CARM1: variants seen among roughly 807,000 people sequenced by gnomAD.
The protein encoded by CARM1 is histone-arginine methyltransferase CARM1.
CARM1 carries 14 observed loss-of-function variants against 72.7 expected under a neutral mutation model. That is an observed-to-expected ratio of 0.19 (90% CI 0.13 to 0.30). The LOEUF (loss-of-function observed/expected upper bound fraction) is 0.30, where lower values mean the gene tolerates loss of function less well. CARM1 is among the 10% of genes least tolerant of loss of function. CARM1 has a pLI of 1.00. For synonymous variants in CARM1, 333 were observed against 345.5 expected (o/e 0.96, Z 0.40); for missense variants, 432 against 833.7 (o/e 0.52, Z 5.93).
In CARM1 at chr19:10,920,955, GGCCCACCCCAAT is replaced by G. The variant is rs1404939451; in HGVS notation, c.1537+15_1537+26del. 1.2e-6 allele frequency: 2 copies of G among 1,613,578 alleles called. No individual in the cohort carries two copies. Among genetic ancestry groups the G allele is most frequent in the South Asian group, 2.2e-5 (2 of 91,076 alleles). ...CGGGATGGCCGTGGCAGGTGAGCAG[GGCCCACCCCAAT>G]GCCCAGCCAACCCGGGAGGCCGCCC... On this transcript the variant is annotated intron_variant, in intron 13 of 15. Coordinates refer to ENST00000327064, the MANE Select transcript of CARM1 (RefSeq NM_199141.2). The surrounding 1 kb of genome is among the most constrained non-coding windows in gnomAD (Gnocchi z 5.3).
chr19:10,897,821 C>T (rs971365444), intron 1 of CARM1, among the ~76,000 whole-genome samples: 3 of 152,066 alleles, frequency 2.0e-5, no homozygotes, highest in Non-Finnish European at 4.4e-5. Flanking sequence ...AACCCTGTCT[C>T]TAGGCTGGAT....
At chr19:10,919,538 C>T in intron 8 of CARM1, 57 bp from the exon 9 acceptor site, 1 of 1,276,856 alleles carries the variant, frequency 7.8e-7, no homozygotes, top group Non-Finnish European at 1.1e-6. Flanking sequence ...GCAGGGCTCT[C>T]CCCTCCCATG....
intron 1 of CARM1, among the ~76,000 whole-genome samples, chr19:10,881,331 C>T (rs533032058): frequency 3.0e-4 from 45 of 152,310 alleles, no homozygotes; most frequent in Non-Finnish European, 5.0e-4. Flanking sequence ...CCCCTGATTT[C>T]GGTCAGCTTC....
chr19:10,889,337 CAG>C (rs1344193101), intron 1 of CARM1, among the ~76,000 whole-genome samples: 18 of 149,660 alleles, frequency 1.2e-4, no homozygotes, highest in Non-Finnish European at 3.0e-5. Context: ...TTTTTTGAGA[CAG>C]AGTCTCCCTT....
chr19:10,886,845 G>A (rs1214851545), intron 1 of CARM1, among the ~76,000 whole-genome samples: 1 of 152,064 alleles, frequency 6.6e-6, no homozygotes, highest in African/African-American at 2.4e-5. Flanking sequence ...AAAAAAAATG[G>A]GGTCTCAATA....
chr19:10,898,377 G>A (rs973844044), intron 1 of CARM1, among the ~76,000 whole-genome samples: 21 of 152,036 alleles, frequency 1.4e-4, no homozygotes, highest in African/African-American at 4.6e-4. Flanking sequence ...CCTGGCTCTA[G>A]AGTCTGCTTT....
intron 4 of CARM1, 113 bp downstream of exon 4, chr19:10,909,320 A>G (rs2074128392): frequency 1.5e-6 from 1 of 652,214 alleles, no homozygotes; most frequent in Non-Finnish European, 2.7e-6. Context: ...TATCTCAGTT[A>G]CTGCAGAGGC....
At chr19:10,901,580 C>T (rs1422019494) in intron 1 of CARM1, among the ~76,000 whole-genome samples, 4 of 152,210 alleles carry the variant, frequency 2.6e-5, no homozygotes, top group Non-Finnish European at 4.4e-5. Flanking sequence ...CCATCTTGGC[C>T]TCCCAAAGTG....
In CARM1 at chr19:10,916,319, T is replaced by A; in HGVS notation, c.848-88T>A. 1.2e-6 allele frequency: 1 copy of A among 841,592 alleles called. No individual in the cohort carries two copies. Among genetic ancestry groups the A allele is most frequent in the Non-Finnish European group, 2.0e-6 (1 of 498,794 alleles). The allele number at this position is 841,592 out of a possible 1,614,324, so 52.1% of individuals were successfully genotyped here. A position where few individuals can be genotyped will look rare whatever the true frequency, so the allele number is the denominator to read the frequency against. ...GATGACAGGCTGGGAGCACCCAGGG[T>A]TGGGGGTCTTGGGGTCCTTTGGAAG... On this transcript the variant is annotated intron_variant, in intron 6 of 15. Transcript: ENST00000327064. The surrounding 1 kb of genome is among the most constrained non-coding windows in gnomAD (Gnocchi z 4.4).
chr19:10,875,018 T>C (rs1482439181), intron 1 of CARM1, among the ~76,000 whole-genome samples: 1 of 149,274 alleles, frequency 6.7e-6, no homozygotes, highest in African/African-American at 2.5e-5. Context: ...AGCAAGACCC[T>C]GTCTGAAAAA....
chr19:10,912,325 C>T lies in CARM1; in HGVS notation c.669+31C>T, dbSNP rs963727740. ...TGGCCCGCTGGTGCCCACCCAGCCT[C>T]GTCCTCGCCCATGAGTGCCATGCCG... On this transcript the variant is annotated intron_variant, in intron 5 of 15. Transcript: ENST00000327064. This position sits in a 1 kb window ranked among gnomAD's most constrained non-coding sequence, Gnocchi z 4.5. 2.6e-6 allele frequency: 4 copies of T among 1,526,862 alleles called. No homozygotes were observed. In the Middle Eastern group the frequency reaches 5.1e-4, roughly 194 times the overall value. The allele number at this position is 1,526,862 out of a possible 1,614,324, so 94.6% of individuals were successfully genotyped here.
chr19:10,871,998 A>G lies in CARM1; in HGVS notation c.220+76A>G, dbSNP rs907152688. 1.8e-6 allele frequency: 2 copies of G among 1,113,156 alleles called. No individual in the cohort carries two copies. The highest frequency in any genetic ancestry group is 2.2e-6 in the Non-Finnish European group (2 of 903,468). The allele number at this position is 1,113,156 out of a possible 1,614,324, so 69.0% of individuals were successfully genotyped here. A position where few individuals can be genotyped will look rare whatever the true frequency, so the allele number is the denominator to read the frequency against. On this transcript the variant is annotated intron_variant, in intron 1 of 15. Coordinates refer to ENST00000327064, the MANE Select transcript of CARM1 (RefSeq NM_199141.2). This position sits in a 1 kb window ranked among gnomAD's most constrained non-coding sequence, Gnocchi z 5.6. ...CGGCCCGGGGCGGGGGCCGGCGGGG[A>G]GGGGCCCTGAGCGCGGGGGCCTGGC...
intron 1 of CARM1, among the ~76,000 whole-genome samples, chr19:10,872,180 G>A (rs904398502): frequency 6.6e-6 from 1 of 151,660 alleles, no homozygotes; most frequent in African/African-American, 2.4e-5. Flanking sequence ...AAGGGCCTGA[G>A]ATTTGGGAGG....
chr19:10,891,985 A>G (rs534188822), intron 1 of CARM1, among the ~76,000 whole-genome samples: 100 of 152,256 alleles, frequency 6.6e-4, no homozygotes, highest in Non-Finnish European at 1.2e-3. Flanking sequence ...GACAAGCCCC[A>G]TGAATGCAGT....
chr19:10,919,591 C>T lies in CARM1; in HGVS notation c.1021-4C>T, dbSNP rs901861933. On this transcript the variant is annotated splice_region_variant and splice_polypyrimidine_tract_variant and intron_variant, in intron 8 of 15. Transcript: ENST00000327064. ...TGCCACGTCACACCTGTGGTCTCTC[C>T]CAGGACACATTTGACATCCGGATCC... The T allele has an allele frequency of 1.1e-5, 18 of 1,610,990 alleles. No homozygotes were observed. The highest frequency in any genetic ancestry group is 1.4e-5 in the Non-Finnish European group (17 of 1,177,214).
intron 1 of CARM1, among the ~76,000 whole-genome samples, chr19:10,877,503 ACCT>A (rs1568344871): frequency 6.6e-6 from 1 of 151,616 alleles, no homozygotes; most frequent in Non-Finnish European, 1.5e-5. Flanking sequence ...GCTCACTGTA[ACCT>A]CCACCTCCCA....
Position 10,920,411 on chromosome 19 carries a change from G to A in CARM1, c.1197-25G>A. On this transcript the variant is annotated intron_variant, in intron 10 of 15. Transcript: ENST00000327064. The surrounding 1 kb of genome is among the most constrained non-coding windows in gnomAD (Gnocchi z 5.3). ...CCAGTGGTGGCGCCGGCCCAGTCAA[G>A]TATGTGCCTGTCCCTGCTCCACAGA... 6.2e-7 allele frequency: 1 copy of A among 1,600,050 alleles called. No homozygotes were observed. Among genetic ancestry groups the A allele is most frequent in the Non-Finnish European group, 8.6e-7 (1 of 1,169,328 alleles).
At chr19:10,893,473 G>A (rs1197051507) in intron 1 of CARM1, among the ~76,000 whole-genome samples, 1 of 152,102 alleles carries the variant, frequency 6.6e-6, no homozygotes, top group African/African-American at 2.4e-5. Context: ...TGAGTAGCTG[G>A]GACTACAGGC....
intron 1 of CARM1, among the ~76,000 whole-genome samples, chr19:10,893,550 G>A (rs1599693741): frequency 6.6e-6 from 1 of 151,914 alleles, no homozygotes; most frequent in Non-Finnish European, 1.5e-5. Context: ...GTGTTAGCCA[G>A]GATGGTCTCG....
Sources: allele counts gnomAD v4.1 joint callset (sites outside exome capture counted in the v4.1 genomes callset), GRCh38; gene constraint gnomAD v4.1.1; non-coding constraint Gnocchi (gnomAD v3.1); transcripts MANE v1.5; gene names NCBI Gene and HGNC (gene_info 2026-07-23, HGNC 2026-07-21).